Variants in HAVCR1 observed in about 807,000 individuals in gnomAD.
HAVCR1 encodes hepatitis A virus cellular receptor 1.
In HAVCR1, 34 loss-of-function variants were observed where a neutral mutation model predicts 32.0. That is an observed-to-expected ratio of 1.06 (90% CI 0.81 to 1.42). The LOEUF (loss-of-function observed/expected upper bound fraction) is 1.42. HAVCR1 is among the 40% of genes most tolerant of loss of function. HAVCR1 has a pLI of 0.00. For synonymous variants in HAVCR1, 178 were observed against 170.3 expected (o/e 1.05, Z -0.35); for missense variants, 420 against 442.3 (o/e 0.95, Z 0.45).
chr5:157,047,151 C>T (rs2113581913), intron 5 of HAVCR1, among the ~76,000 whole-genome samples: 1 of 152,272 alleles, frequency 6.6e-6, no homozygotes, highest in South Asian at 2.1e-4. Flanking sequence ...CAAGGCAGAA[C>T]TTTAATTTCC....
At position 157,057,449 on chromosome 5, in the gene HAVCR1, A is replaced by G. The variant is rs543573801; in HGVS notation, c.46+449T>C. 7.0e-5 allele frequency among the ~76,000 whole-genome samples: 8 copies of G among 114,964 alleles called. No individual in the cohort carries two copies. The South Asian group carries it at 2.3e-3, about 33-fold the overall frequency. The allele number at this position is 114,964 out of a possible 152,430, so 75.4% of individuals were successfully genotyped here. ...AAAGAAAGAAAGAAAGAAAGAAAGA[A>G]AGAAAGAAAGAAAGAGAATTGAATG... On this transcript the variant is annotated intron_variant, in intron 2 of 8. Coordinates refer to ENST00000523175, the MANE Select transcript of HAVCR1 (RefSeq NM_001173393.3).
chr5:157,068,646 T>G, the HAVCR1 span, among the ~76,000 whole-genome samples: 2 of 106,520 alleles, frequency 1.9e-5, no homozygotes, highest in African/African-American at 7.2e-5. Flanking sequence ...ATATGGGCTT[T>G]TTTTTTACAT....
At position 157,052,434 on chromosome 5, in the gene HAVCR1, T is replaced by C. The variant is rs1561599037; in HGVS notation, c.600A>G (p.Thr200=). 9.8e-7 allele frequency: 1 copy of C among 1,025,246 alleles called. No homozygotes were observed. The highest frequency in any genetic ancestry group is 3.1e-5 in the East Asian group (1 of 32,688). The allele number at this position is 1,025,246 out of a possible 1,614,324, so 63.5% of individuals were successfully genotyped here. ...VPTTTSIPTT[T]SVPVTTTVST... ...AGACAGTTGTTGTCACTGGAACACT[T>C]GTTGTTGTTGGAATGCTCGTTGTCG... is the stretch of plus-strand genomic sequence containing the variant. Residue 200 remains threonine (T), a synonymous_variant, in exon 4 of 9, where the codon ACA becomes ACG. Coordinates refer to ENST00000523175, the MANE Select transcript of HAVCR1 (RefSeq NM_001173393.3).
At chr5:157,036,673 G>A (rs1343301159) in intron 7 of HAVCR1, among the ~76,000 whole-genome samples, 2 of 152,082 alleles carry the variant, frequency 1.3e-5, no homozygotes. Context: ...TCATGTGCCA[G>A]GAACCATTCT....
chr5:157,042,536 T>C (rs79479846), intron 6 of HAVCR1, 91 bp downstream of exon 6: 10,625 of 680,040 alleles, frequency 0.016, 125 homozygotes, highest in Non-Finnish European at 0.021. Context: ...TTCTGTGGGC[T>C]AGTCTTACAG....
chr5:157,039,795 T>C (rs1160267396), intron 6 of HAVCR1, among the ~76,000 whole-genome samples: 3 of 152,210 alleles, frequency 2.0e-5, no homozygotes, highest in African/African-American at 7.2e-5. Flanking sequence ...ATTAGTTCAA[T>C]TTTTTCCTTA....
intron 5 of HAVCR1, among the ~76,000 whole-genome samples, chr5:157,043,223 A>G (rs928393903): frequency 5.9e-5 from 9 of 152,320 alleles, no homozygotes; most frequent in African/African-American, 1.7e-4. Context: ...TTTGATCTAG[A>G]AGTGCTTTAG....
rs2270923 is a variant in HAVCR1 at position 157,055,293 on chromosome 5, G to A, written c.287C>T (p.Ala96Val). 5 of 1,613,138 alleles carry A rather than the reference G, an allele frequency of 3.1e-6. No individual in the cohort carries two copies. The East Asian group carries it at 1.1e-4, about 36-fold the overall frequency. The change falls in exon 3 of 9, where the codon GCT becomes GTT. Residue 96 changes from alanine (A) to valine (V), a missense_variant. Physicochemically the swap from Ala to Val is moderately conservative, Grantham distance 64 (BLOSUM62 0). Coordinates refer to ENST00000523175, the MANE Select transcript of HAVCR1 (RefSeq NM_001173393.3). ...ACAATATACGCCACTGTCAGACACA[G>A]CTGTATTTTCTATGGTCAAAGAGAC... ...RDVSLTIENTAVSDSGVYCCR... is the reference protein window; with the variant it reads ...RDVSLTIENTVVSDSGVYCCR...
upstream of HAVCR1, among the ~76,000 whole-genome samples, chr5:157,059,412 G>A (rs566435490): frequency 1.1e-4 from 17 of 152,200 alleles, no homozygotes; most frequent in South Asian, 2.1e-4. Context: ...ATGGTGGCTC[G>A]TGCCTGTAAC....
chr5:157,065,684 G>A, the HAVCR1 span, among the ~76,000 whole-genome samples: 7 of 152,088 alleles, frequency 4.6e-5, no homozygotes, highest in Non-Finnish European at 8.8e-5. Context: ...GTGAAACCCC[G>A]TCTCTACTAA....
Position 157,055,418 on chromosome 5 carries a change from T to C in HAVCR1, c.162A>G (p.Leu54=). 6.2e-7 allele frequency: 1 copy of C among 1,612,682 alleles called. No homozygotes were observed. The highest frequency in any genetic ancestry group is 1.1e-5 in the South Asian group (1 of 91,052). Residue 54 remains leucine, a synonymous_variant, in exon 3 of 9, where the codon CTA becomes CTG. Coordinates refer to ENST00000523175, the MANE Select transcript of HAVCR1 (RefSeq NM_001173393.3). ...AGACAATGCCATTTTGGCATGTGAA[T>C]AGAGAACATGAGCCTCTATTCCAGC... is the stretch of plus-strand genomic sequence containing the variant. ...SMCWNRGSCS[L]FTCQNGIVWT...
chr5:157,046,083 A>G (rs1353412979), intron 5 of HAVCR1, among the ~76,000 whole-genome samples: 1 of 152,210 alleles, frequency 6.6e-6, no homozygotes, highest in Non-Finnish European at 1.5e-5. Flanking sequence ...AAATGTCGCC[A>G]TTATCTAATC....
At position 157,048,910 on chromosome 5, in the gene HAVCR1, A is replaced by G. The variant is rs1018907705; in HGVS notation, c.781+128T>C. ...AAAGGGTAGATATTTGTACAAGTCA[A>G]ATGACTGATCTGTGTGCCTGGTGTT... On this transcript the variant is annotated intron_variant, in intron 5 of 8. Transcript: ENST00000523175. 5 of 652,260 alleles carry G rather than the reference A, an allele frequency of 7.7e-6. No homozygotes were observed. In the African/African-American group the frequency reaches 9.1e-5, roughly 12 times the overall value. 40.4% of individuals were successfully genotyped at this position (652,260 alleles called of 1,614,324 possible).
the HAVCR1 span, among the ~76,000 whole-genome samples, chr5:157,066,884 C>T: frequency 2.0e-5 from 3 of 152,066 alleles, no homozygotes; most frequent in Non-Finnish European, 4.4e-5. Flanking sequence ...GTCGGGAGTT[C>T]GAGACCAGCC....
At chr5:157,051,620 T>G (rs1561598154) in intron 4 of HAVCR1, among the ~76,000 whole-genome samples, 1 of 152,132 alleles carries the variant, frequency 6.6e-6, no homozygotes, top group African/African-American at 2.4e-5. Flanking sequence ...AGACTTGACC[T>G]CCCGGCCCCA....
intron 6 of HAVCR1, 97 bp from the exon 7 acceptor site, chr5:157,037,458 T>C (rs559874038): frequency 1.3e-4 from 88 of 659,490 alleles, no homozygotes; most frequent in Non-Finnish European, 2.1e-4. Flanking sequence ...TTTACCTGTA[T>C]TGGTGCTTGG....
At chr5:157,044,398 AAG>A (rs377068518) in intron 5 of HAVCR1, among the ~76,000 whole-genome samples, 2,657 of 43,350 alleles carry the variant, frequency 0.061, 39 homozygotes, top group East Asian at 0.16. Flanking sequence ...GGAAGGAAGG[AAG>A]GAAGGAAGGA....
intron 4 of HAVCR1, among the ~76,000 whole-genome samples, chr5:157,051,879 G>A (rs2113610289): frequency 6.6e-6 from 1 of 152,310 alleles, no homozygotes; most frequent in Non-Finnish European, 1.5e-5. Context: ...TTAAATGCAT[G>A]AGGCATGGTG....
At chr5:157,052,079 G>C (rs1418663605) in intron 4 of HAVCR1, among the ~76,000 whole-genome samples, 2 of 152,164 alleles carry the variant, frequency 1.3e-5, no homozygotes. Flanking sequence ...CAGTATCCCT[G>C]TTAGATGTTC....
Sources: gnomAD v4.1 joint callset for allele counts (sites outside exome capture counted in the v4.1 genomes callset) on GRCh38, gnomAD v4.1.1 for gene constraint, MANE v1.5 for transcripts, NCBI Gene and HGNC (gene_info 2026-07-23, HGNC 2026-07-21) for gene names.